The following UBE2E2 variants were observed in gnomAD, a reference collection of about 807,000 sequenced individuals.
The protein encoded by UBE2E2 is ubiquitin conjugating enzyme E2 E2.
A neutral mutation model predicts 24.7 loss-of-function variants in UBE2E2; 6 were observed. The observed-to-expected ratio is 0.24, with a 90% confidence interval of 0.13 to 0.48. The LOEUF (loss-of-function observed/expected upper bound fraction) is 0.48. UBE2E2 is among the 20% of genes least tolerant of loss of function. The pLI is 0.99. For missense variants in UBE2E2, 169 were observed against 245.0 expected (o/e 0.69, Z 2.07); for synonymous variants, 104 against 83.6 (o/e 1.24, Z -1.33).
At chr3:23,246,640 T>C (rs1365074390) in intron 3 of UBE2E2, among the ~76,000 whole-genome samples, 1 of 150,794 alleles carries the variant, frequency 6.6e-6, no homozygotes, top group Non-Finnish European at 1.5e-5. Flanking sequence ...TGCCTCAGCC[T>C]CCCAGAGTGC....
At chr3:23,442,162 A>G (rs1698321660) in intron 3 of UBE2E2, among the ~76,000 whole-genome samples, 1 of 152,192 alleles carries the variant, frequency 6.6e-6, no homozygotes, top group Admixed American at 6.5e-5. Context: ...TAACAATAGG[A>G]TAAGGAATAT....
intron 3 of UBE2E2, among the ~76,000 whole-genome samples, chr3:23,444,270 C>A (rs889502572): frequency 6.6e-6 from 1 of 151,958 alleles, no homozygotes. Flanking sequence ...TTTCTTCTTC[C>A]CCCATTGTGT....
At chr3:23,562,606 C>T (rs960846875) in intron 5 of UBE2E2, among the ~76,000 whole-genome samples, 41 of 152,306 alleles carry the variant, frequency 2.7e-4, no homozygotes, top group Non-Finnish European at 5.1e-4. Flanking sequence ...GGAGGATTCC[C>T]TCTTTTTCTA....
intron 3 of UBE2E2, among the ~76,000 whole-genome samples, chr3:23,397,307 A>G (rs563997174): frequency 3.3e-5 from 5 of 152,370 alleles, no homozygotes; most frequent in African/African-American, 1.2e-4. Context: ...TTCAGATTGT[A>G]TGACAAGATA....
Position 23,407,646 on chromosome 3 carries a change from CAT to C in UBE2E2, c.228-91961_228-91960del, listed in dbSNP as rs1491514086. Reference sequence around the variant, plus strand: ...GTGTGTGTTTGTGTGTGCATGCGTGCATGTGTGTGTGTGTGTGTGTGTGTGTG... The same window carrying C: ...GTGTGTGTTTGTGTGTGCATGCGTGCGTGTGTGTGTGTGTGTGTGTGTGTG... On this transcript the variant is annotated intron_variant, in intron 3 of 5. Coordinates refer to ENST00000396703, the MANE Select transcript of UBE2E2 (RefSeq NM_152653.4). This position sits in a 1 kb window ranked among gnomAD's most constrained non-coding sequence, Gnocchi z 4.0. Among the ~76,000 whole-genome samples, 19 of 93,522 alleles carry C rather than the reference CAT, an allele frequency of 2.0e-4. No individual in the cohort carries two copies. The highest frequency in any genetic ancestry group is 6.8e-4 in the Admixed American group (6 of 8,778). 61.4% of individuals were successfully genotyped at this position (93,522 alleles called of 152,430 possible). A position where few individuals can be genotyped will look rare whatever the true frequency, so the allele number is the denominator to read the frequency against.
intron 3 of UBE2E2, among the ~76,000 whole-genome samples, chr3:23,411,305 G>T (rs781555262): frequency 6.6e-6 from 1 of 152,156 alleles, no homozygotes. Context: ...ATTGGACCCT[G>T]TAGGGGTCTA....
chr3:23,310,863 AT>A (rs533602724), intron 3 of UBE2E2, among the ~76,000 whole-genome samples: 38 of 151,812 alleles, frequency 2.5e-4, no homozygotes, highest in African/African-American at 8.7e-4. Flanking sequence ...GTGTAGCATG[AT>A]TTTTTTTTAA....
intron 1 of UBE2E2, among the ~76,000 whole-genome samples, chr3:23,206,300 GA>G (rs200156411): frequency 9.3e-5 from 14 of 150,826 alleles, no homozygotes; most frequent in Middle Eastern, 3.4e-3. Flanking sequence ...GAAAGAAGGT[GA>G]AAAAAAATAT....
intron 5 of UBE2E2, among the ~76,000 whole-genome samples, chr3:23,534,897 A>G (rs931001662): frequency 3.9e-5 from 6 of 152,248 alleles, no homozygotes; most frequent in Non-Finnish European, 8.8e-5. Flanking sequence ...TAGGCCTTGT[A>G]TAATGATACA....
intron 5 of UBE2E2, among the ~76,000 whole-genome samples, chr3:23,580,839 G>A (rs1364119584): frequency 6.6e-6 from 1 of 152,152 alleles, no homozygotes; most frequent in African/African-American, 2.4e-5. Flanking sequence ...TAAAAGAGCA[G>A]GGCTTATTTT....
chr3:23,518,935 G>A (rs928264231), intron 4 of UBE2E2, among the ~76,000 whole-genome samples: 2 of 152,136 alleles, frequency 1.3e-5, no homozygotes, highest in Admixed American at 6.5e-5. Flanking sequence ...CTACCACAAA[G>A]CATTTGTTCC....
chr3:23,522,282 C>T (rs1209660255), intron 4 of UBE2E2, among the ~76,000 whole-genome samples: 3 of 152,056 alleles, frequency 2.0e-5, no homozygotes, highest in African/African-American at 2.4e-5. Context: ...AGGCGCCCGC[C>T]ACCACGCCCG....
chr3:23,428,729 T>C (rs1559380956), intron 3 of UBE2E2, among the ~76,000 whole-genome samples: 2 of 151,246 alleles, frequency 1.3e-5, no homozygotes, highest in East Asian at 3.9e-4. Context: ...ATCCCAGCAA[T>C]ATGGGAGGCA....
At chr3:23,571,280 C>CTGTTTTTTTTTTTTTTTTTTTTTTTTTT (rs1696217145) in intron 5 of UBE2E2, among the ~76,000 whole-genome samples, 1 of 29,866 alleles carries the variant, frequency 3.3e-5, no homozygotes, top group Non-Finnish European at 6.6e-5. Flanking sequence ...GTGCTCCTTT[C>CTGTTTTTTTTTTTTTTTTTTTTTTTTTT]TTTTTTTTTT....
chr3:23,533,877 C>T (rs890833840), intron 5 of UBE2E2, among the ~76,000 whole-genome samples: 2 of 151,944 alleles, frequency 1.3e-5, no homozygotes, highest in Admixed American at 6.6e-5. Context: ...CGCTTTGGCC[C>T]CCCAAAGTGC....
At chr3:23,218,880 A>C (rs1372926625) in intron 3 of UBE2E2, among the ~76,000 whole-genome samples, 2 of 152,184 alleles carry the variant, frequency 1.3e-5, no homozygotes, top group Non-Finnish European at 2.9e-5. Context: ...GTTTAACTAT[A>C]GTGTCATCTG....
chr3:23,237,746 C>T (rs549578661), intron 3 of UBE2E2, among the ~76,000 whole-genome samples: 2 of 152,050 alleles, frequency 1.3e-5, no homozygotes, highest in Non-Finnish European at 2.9e-5. Flanking sequence ...AGAGGTCTTA[C>T]GTCTTTGCTG....
chr3:23,259,807 A>G (rs1044089485), intron 3 of UBE2E2, among the ~76,000 whole-genome samples: 1 of 152,222 alleles, frequency 6.6e-6, no homozygotes, highest in African/African-American at 2.4e-5. Context: ...AGTTTTCCCA[A>G]TTCTGAAACA....
At chr3:23,311,011 C>T (rs1196375009) in intron 3 of UBE2E2, among the ~76,000 whole-genome samples, 2 of 152,072 alleles carry the variant, frequency 1.3e-5, no homozygotes, top group Non-Finnish European at 2.9e-5. Flanking sequence ...TCCCTCCTGC[C>T]GCCACCCCAC....
Sources: allele counts gnomAD v4.1 joint callset (sites outside exome capture counted in the v4.1 genomes callset), GRCh38; gene constraint gnomAD v4.1.1; non-coding constraint Gnocchi (gnomAD v3.1); transcripts MANE v1.5; gene names NCBI Gene and HGNC (gene_info 2026-07-23, HGNC 2026-07-21).